The following ACOT13 variants were observed in gnomAD, a reference collection of about 807,000 sequenced individuals.
ACOT13 encodes acyl-CoA thioesterase 13, also known as acyl-coenzyme A thioesterase 13.
ACOT13 carries 10 observed loss-of-function variants against 11.8 expected under a neutral mutation model. The observed-to-expected ratio is 0.85, with a 90% CI of 0.53 to 1.44. ACOT13 has a LOEUF of 1.44. Ranked by LOEUF, ACOT13 falls within the 40% of genes most tolerant of loss-of-function variation. The probability of loss-of-function intolerance (pLI) is 0.00; values close to 1 mark genes in which losing one functional copy is unlikely to be tolerated. For synonymous variants in ACOT13, 53 were observed against 61.0 expected, an observed-to-expected ratio of 0.87 and a Z score of 0.61; for missense variants, 172 against 174.1, an observed-to-expected ratio of 0.99 and a Z score of 0.07.
Position 24,667,304 on chromosome 6 carries a change from C to T in ACOT13, c.41C>T (p.Ala14Val), listed in dbSNP as rs1187354026. The T allele has an allele frequency of 6.2e-7, 1 of 1,614,168 alleles. No individual in the cohort carries two copies. Among genetic ancestry groups the T allele is most frequent in the South Asian group, 1.1e-5 (1 of 91,076 alleles). Reference sequence around the variant, plus strand: ...CAGTCTCTGCGGGAGGTGATAAAGGCCATGACCAAGGCTCGCAATTTTGAG... The same window carrying T: ...CAGTCTCTGCGGGAGGTGATAAAGGTCATGACCAAGGCTCGCAATTTTGAG... ...MTQSLREVIK[A>V]MTKARNFERV... is the part of the protein sequence containing the mutation. Residue 14 changes from alanine (A) to valine (V), a missense_variant, in exon 1 of 3, where the codon GCC (alanine) becomes GTC (valine). By Grantham distance (64) the Ala-to-Val change is moderately conservative. Coordinates refer to ENST00000230048, the MANE Select transcript of ACOT13 (RefSeq NM_018473.4).
chr6:24,674,456 T>C (rs9393577), intron 1 of ACOT13, among the ~76,000 whole-genome samples: 59,760 of 151,942 alleles, frequency 0.39, 12,787 homozygotes, highest in Non-Finnish European at 0.5. Flanking sequence ...TCACCCAGGC[T>C]GGAGTGCAGT....
chr6:24,685,020 T>A lies in ACOT13; in HGVS notation c.82-12863T>A, dbSNP rs532186457. Among the ~76,000 whole-genome samples the A allele has an allele frequency of 1.0e-3, 157 of 151,892 alleles. 1 individual carries two copies. The highest frequency in any genetic ancestry group is 3.6e-3 in the African/African-American group (150 of 41,402). ...AGTGAGACCCTGTCTCTAAAAAAAATTTTTTTTTAATTTTTTTGAGTCTTA... is the reference window on the plus strand; with the variant it reads ...AGTGAGACCCTGTCTCTAAAAAAAAATTTTTTTTAATTTTTTTGAGTCTTA... On this transcript the variant is annotated intron_variant, in intron 1 of 2. Transcript: ENST00000230048.
Position 24,701,573 on chromosome 6 carries a change from A to G in ACOT13, c.381A>G (p.Lys127=), listed in dbSNP as rs764516247. The change falls in exon 3 of 3, where the codon AAA becomes AAG. Residue 127 remains lysine, a synonymous_variant. Transcript: ENST00000230048. Reference sequence around the variant, plus strand: ...ATCTGACCAACAAGGCCACAGGAAAATTAATAGCACAAGGAAGACACACAA... The same window carrying G: ...ATCTGACCAACAAGGCCACAGGAAAGTTAATAGCACAAGGAAGACACACAA... The part of the protein sequence containing the change: ...SVDLTNKATG[K]LIAQGRHTKH... The G allele has an allele frequency of 1.2e-6, 2 of 1,613,866 alleles. No individual in the cohort carries two copies. The highest frequency in any genetic ancestry group is 1.7e-6 in the Non-Finnish European group (2 of 1,179,820).
intron 1 of ACOT13, among the ~76,000 whole-genome samples, chr6:24,686,664 C>T (rs756946503): frequency 6.8e-6 from 1 of 148,130 alleles, no homozygotes; most frequent in Non-Finnish European, 1.5e-5. Flanking sequence ...CTCTCTTTCT[C>T]TCTCTCTCTT....
intron 1 of ACOT13, among the ~76,000 whole-genome samples, chr6:24,669,522 A>G (rs996964221): frequency 4.6e-5 from 7 of 152,270 alleles, no homozygotes; most frequent in Admixed American, 1.3e-4. Flanking sequence ...GGGGCCCAAG[A>G]TATTTTCCTT....
chr6:24,668,070 A>T (rs765723963), intron 1 of ACOT13, among the ~76,000 whole-genome samples: 30 of 147,056 alleles, frequency 2.0e-4, no homozygotes, highest in Admixed American at 7.4e-4. Flanking sequence ...CACCATGCCC[A>T]GCTAATATTG....
At chr6:24,670,779 C>A (rs1016021855) in intron 1 of ACOT13, among the ~76,000 whole-genome samples, 1 of 152,122 alleles carries the variant, frequency 6.6e-6, no homozygotes, top group Non-Finnish European at 1.5e-5. Flanking sequence ...CTCTGAAAAA[C>A]AAAGCAAAAG....
At chr6:24,700,905 C>T (rs1182013331) in intron 2 of ACOT13, 1 of 142,116 alleles carries the variant, frequency 7.0e-6, no homozygotes, top group African/African-American at 2.5e-5. Flanking sequence ...AAACAATCCT[C>T]ATCTCCCCAA....
rs1318814907 is a variant in ACOT13 at position 24,704,415 on chromosome 6, G to T, written c.*2800G>T. 6.6e-6 allele frequency: 1 copy of T among 152,142 alleles called. No individual in the cohort carries two copies. Among genetic ancestry groups the T allele is most frequent in the Non-Finnish European group, 1.5e-5 (1 of 68,036 alleles). 9.4% of individuals were successfully genotyped at this position (152,142 alleles called of 1,614,324 possible). On this transcript the variant is annotated 3_prime_UTR_variant, in exon 3 of 3. Transcript: ENST00000230048. Reference sequence around the variant, plus strand: ...CAATATGGTAAATTAATTCAACATGGTAAATTAAGAGCATAGGCCTTAAGA... The same window carrying T: ...CAATATGGTAAATTAATTCAACATGTTAAATTAAGAGCATAGGCCTTAAGA...
At chr6:24,698,135 CATTTAT>C in intron 2 of ACOT13, 68 bp downstream of exon 2, 1 of 1,318,504 alleles carries the variant, frequency 7.6e-7, no homozygotes, top group Non-Finnish European at 1.0e-6. Context: ...AGACTAAACA[CATTTAT>C]ATTATTAGTA....
At position 24,704,910 on chromosome 6, in the gene ACOT13, G is replaced by A. The variant is rs1259491870; in HGVS notation, c.*3295G>A. 6.6e-6 allele frequency: 1 copy of A among 152,104 alleles called. No individual in the cohort carries two copies. The highest frequency in any genetic ancestry group is 1.5e-5 in the Non-Finnish European group (1 of 67,968). The allele number at this position is 152,104 out of a possible 1,614,324, so 9.4% of individuals were successfully genotyped here. On this transcript the variant is annotated 3_prime_UTR_variant, in exon 3 of 3. Transcript: ENST00000230048. ...GGGAACTTTCACCTATTTTATTTAG[G>A]TTTTCTTTTTCTTTTTTTCTTTTTT...
chr6:24,682,485 C>T (rs181222954), intron 1 of ACOT13, among the ~76,000 whole-genome samples: 6 of 152,224 alleles, frequency 3.9e-5, no homozygotes, highest in East Asian at 1.9e-4. Context: ...ACATGGGTCA[C>T]GGAAGAGAAC....
At chr6:24,686,061 AC>A (rs773081768) in intron 1 of ACOT13, among the ~76,000 whole-genome samples, 2 of 152,020 alleles carry the variant, frequency 1.3e-5, no homozygotes, top group Non-Finnish European at 2.9e-5. Context: ...AAAAAGGTTA[AC>A]CGTCAGACTA....
chr6:24,675,946 T>C (rs1374049122), intron 1 of ACOT13, among the ~76,000 whole-genome samples: 1 of 152,240 alleles, frequency 6.6e-6, no homozygotes, highest in Non-Finnish European at 1.5e-5. Context: ...TACATATGGC[T>C]AACCTGTTTT....
At chr6:24,678,767 G>A (rs1778497864) in intron 1 of ACOT13, among the ~76,000 whole-genome samples, 1 of 152,216 alleles carries the variant, frequency 6.6e-6, no homozygotes, top group Non-Finnish European at 1.5e-5. Flanking sequence ...AAGTTCCCCA[G>A]TCACAACTTA....
intron 2 of ACOT13, 99 bp downstream of exon 2, chr6:24,698,166 A>G (rs1778829729): frequency 1.9e-6 from 2 of 1,071,100 alleles, no homozygotes; most frequent in South Asian, 2.3e-5. Flanking sequence ...ATGAGATTCA[A>G]TTAGCTGCTT....
At chr6:24,698,307 G>C (rs1038528462) in intron 2 of ACOT13, among the ~76,000 whole-genome samples, 1 of 152,082 alleles carries the variant, frequency 6.6e-6, no homozygotes, top group African/African-American at 2.4e-5. Flanking sequence ...ATTCAAAAGA[G>C]CAACATTCAG....
Position 24,697,883 on chromosome 6 carries a change from A to G in ACOT13, c.82A>G (p.Ile28Val), listed in dbSNP as rs756545800. 2 of 1,595,412 alleles carry G rather than the reference A, an allele frequency of 1.3e-6. No homozygotes were observed. The highest frequency in any genetic ancestry group is 4.5e-5 in the East Asian group (2 of 44,324). ...ARNFERVLGK[I>V]TLVSAAPGKV... ...TCAGGATTCTTTTTTTTACACTTAG[A>G]TTACTCTTGTCTCTGCTGCTCCTGG... Residue 28 changes from isoleucine to valine, a missense_variant and splice_region_variant, in exon 2 of 3, where the codon ATT becomes GTT. Coordinates refer to ENST00000230048, the MANE Select transcript of ACOT13 (RefSeq NM_018473.4).
At chr6:24,683,032 C>T (rs1243869088) in intron 1 of ACOT13, among the ~76,000 whole-genome samples, 6 of 152,148 alleles carry the variant, frequency 3.9e-5, no homozygotes, top group African/African-American at 1.2e-4. Context: ...AAGGTGGATG[C>T]GGTCACCTTC....
Sources: allele counts gnomAD v4.1 joint callset (sites outside exome capture counted in the v4.1 genomes callset), GRCh38; gene constraint gnomAD v4.1.1; transcripts MANE v1.5; gene names NCBI Gene and HGNC (gene_info 2026-07-23, HGNC 2026-07-21).